The following PSMD1 variants were observed in gnomAD, a reference collection of about 807,000 sequenced individuals.
PSMD1 encodes proteasome 26S subunit, non-ATPase 1, also known as 26S proteasome non-ATPase regulatory subunit 1.
Under a neutral mutation model 119.0 loss-of-function variants are expected in PSMD1, and 18 were observed. That is an observed-to-expected ratio of 0.15 (90% CI 0.10 to 0.22). PSMD1 has a LOEUF of 0.22. Among genes scored for constraint, PSMD1 ranks in the 10% least tolerant of loss-of-function variants. PSMD1 has a pLI of 1.00. For missense variants in PSMD1, 702 were observed against 1,158.5 expected (o/e 0.61, Z 5.72); for synonymous variants, 374 against 396.6 (o/e 0.94, Z 0.68).
rs777538023 is a variant in PSMD1, at chr2:231,087,109, C to A, written c.1819-8C>A. 1.2e-6 allele frequency: 2 copies of A among 1,612,626 alleles called. No homozygotes were observed. Among genetic ancestry groups the A allele is most frequent in the South Asian group, 2.2e-5 (2 of 91,016 alleles). ...TAGTATAATATAATCTTAAACTTTT[C>A]CCCCTAGGTAAGTGATGTTAATGAT... On this transcript the variant is annotated splice_region_variant and splice_polypyrimidine_tract_variant and intron_variant, in intron 15 of 24. Transcript: ENST00000308696.
In PSMD1 at chr2:231,085,075, T is replaced by C. The variant is rs1429331420; in HGVS notation, c.1779T>C (p.Ser593=). 3 of 1,614,114 alleles carry C rather than the reference T, an allele frequency of 1.9e-6. No individual in the cohort carries two copies. In the Admixed American group the frequency reaches 5.0e-5, roughly 27 times the overall value. Residue 593 remains serine (S), a synonymous_variant, in exon 15 of 25, where the codon TCT becomes TCC. Coordinates refer to ENST00000308696, the MANE Select transcript of PSMD1 (RefSeq NM_002807.4). ...CTGTAGCCATGGCTTATTGTGGCTC[T>C]GGTAACAACAAAGCAATTCGACGCC... ...MYTVAMAYCG[S]GNNKAIRRLL...
At chr2:231,059,283 T>C (rs143809755) in intron 1 of PSMD1, among the ~76,000 whole-genome samples, 1 of 152,228 alleles carries the variant, frequency 6.6e-6, no homozygotes, top group Non-Finnish European at 1.5e-5. Context: ...CCAAATCTTT[T>C]GTCACTTTGT....
At chr2:231,095,791 A>G (rs1694709749) in intron 16 of PSMD1, among the ~76,000 whole-genome samples, 1 of 152,222 alleles carries the variant, frequency 6.6e-6, no homozygotes, top group African/African-American at 2.4e-5. Flanking sequence ...TTGAGGCCCC[A>G]TGGGTTGCAA....
At chr2:231,077,804 A>G (rs1001980979) in intron 9 of PSMD1, among the ~76,000 whole-genome samples, 1 of 152,258 alleles carries the variant, frequency 6.6e-6, no homozygotes, top group African/African-American at 2.4e-5. Flanking sequence ...TCATTTTTTT[A>G]TAGCCATATA....
intron 8 of PSMD1, among the ~76,000 whole-genome samples, chr2:231,076,576 C>T (rs1694172917): frequency 6.6e-6 from 1 of 151,956 alleles, no homozygotes; most frequent in African/African-American, 2.4e-5. Flanking sequence ...ATTGCTTGAG[C>T]TTGGGAAGTG....
At chr2:231,067,667 T>G (rs1215143278) in intron 5 of PSMD1, among the ~76,000 whole-genome samples, 1 of 152,136 alleles carries the variant, frequency 6.6e-6, no homozygotes, top group Non-Finnish European at 1.5e-5. Context: ...TTTCTTTCTT[T>G]TTTTTTTGAG....
At chr2:231,098,555 TTC>T (rs145547548) in intron 16 of PSMD1, among the ~76,000 whole-genome samples, 31 of 147,454 alleles carry the variant, frequency 2.1e-4, no homozygotes, top group Non-Finnish European at 3.0e-4. Context: ...CCCCTTTCTC[TTC>T]TCTCTCTCTC....
intron 24 of PSMD1, among the ~76,000 whole-genome samples, chr2:231,172,116 T>G (rs924073170): frequency 6.6e-6 from 1 of 152,216 alleles, no homozygotes; most frequent in African/African-American, 2.4e-5. Context: ...TTTTGAAAAT[T>G]ATCTTTCAGC....
At chr2:231,058,662 A>G (rs1574698514) in intron 1 of PSMD1, among the ~76,000 whole-genome samples, 1 of 152,122 alleles carries the variant, frequency 6.6e-6, no homozygotes, top group Non-Finnish European at 1.5e-5. Context: ...ACTCTTAACC[A>G]AGGACCCACA....
At chr2:231,124,788 G>A (rs558120385) in intron 16 of PSMD1, among the ~76,000 whole-genome samples, 3 of 152,102 alleles carry the variant, frequency 2.0e-5, no homozygotes, top group African/African-American at 7.2e-5. Context: ...AGGAAGATTA[G>A]ACCATTTATT....
chr2:231,132,519 A>G (rs1421510610), intron 16 of PSMD1, among the ~76,000 whole-genome samples: 1 of 152,154 alleles, frequency 6.6e-6, no homozygotes, highest in African/African-American at 2.4e-5. Flanking sequence ...TTAGTAGCCA[A>G]AGTTCTGGTT....
At chr2:231,069,995 A>T (rs1382315317) in intron 5 of PSMD1, 30 bp from the exon 6 acceptor site, 1 of 1,343,396 alleles carries the variant, frequency 7.4e-7, no homozygotes, top group Non-Finnish European at 9.7e-7. Flanking sequence ...ATAACCAGAT[A>T]ACGTTATATC....
At chr2:231,133,102 T>A (rs2125243149) in intron 16 of PSMD1, among the ~76,000 whole-genome samples, 1 of 152,302 alleles carries the variant, frequency 6.6e-6, no homozygotes, top group South Asian at 2.1e-4. Context: ...AATTTCAGAT[T>A]ACTACTCAGA....
chr2:231,061,116 C>T, intron 1 of PSMD1, 151 bp from the exon 2 acceptor site: 1 of 561,772 alleles, frequency 1.8e-6, no homozygotes, highest in Non-Finnish European at 3.2e-6. Flanking sequence ...AGATATAAAC[C>T]TTTACACTTT....
In PSMD1 at chr2:231,079,676, A is replaced by C. The variant is rs1457621089; in HGVS notation, c.1239+62A>C. ...AAGAAGTAATTTTTCTGGGGTTAAG[A>C]AAAAATAACAGTTTATTATAATTCA... On this transcript the variant is annotated intron_variant, in intron 11 of 24. Transcript: ENST00000308696. 3.0e-5 allele frequency: 32 copies of C among 1,051,516 alleles called. 1 individual carries two copies. In the South Asian group the frequency reaches 5.5e-4, roughly 18 times the overall value. The allele number at this position is 1,051,516 out of a possible 1,614,324, so 65.1% of individuals were successfully genotyped here. A position where few individuals can be genotyped will look rare whatever the true frequency, so the allele number is the denominator to read the frequency against.
In PSMD1 at chr2:231,056,874, C is replaced by T. The variant is rs1017937313; in HGVS notation, c.-152C>T. The stretch of plus-strand genomic sequence containing the variant: ...AGCCCCTGGGCGGGCGGGGTCCTGG[C>T]GAGAAGCGAGCCGGCGGCCTGAGGA... On this transcript the variant is annotated 5_prime_UTR_variant, in exon 1 of 25. Coordinates refer to ENST00000308696, the MANE Select transcript of PSMD1 (RefSeq NM_002807.4). 59 of 1,102,196 alleles carry T rather than the reference C, an allele frequency of 5.4e-5. No individual in the cohort carries two copies. Among genetic ancestry groups the T allele is most frequent in the Non-Finnish European group, 7.4e-5 (57 of 767,908 alleles). 68.3% of individuals were successfully genotyped at this position (1,102,196 alleles called of 1,614,324 possible).
At position 231,163,681 on chromosome 2, in the gene PSMD1, C is replaced by T. The variant is rs969012163; in HGVS notation, c.2435C>T (p.Ala812Val). ...YKSNCKPSTF[A>V]YPAPLEVPKE... ...TCGAACTGTAAACCATCCACATTTG[C>T]ATATCCTGCCCCTCTGGAAGTACCA... Residue 812 changes from alanine (A) to valine (V), a missense_variant, in exon 21 of 25, where the codon GCA becomes GTA. Transcript: ENST00000308696. 3.1e-6 allele frequency: 5 copies of T among 1,613,062 alleles called. No individual in the cohort carries two copies. In the African/African-American group the frequency reaches 4.0e-5, roughly 13 times the overall value.
chr2:231,098,080 G>C lies in PSMD1; in HGVS notation c.1883+10899G>C, dbSNP rs1275451872. Among the ~76,000 whole-genome samples, 3 of 152,220 alleles carry C rather than the reference G, an allele frequency of 2.0e-5. 1 individual carries two copies. The highest frequency in any genetic ancestry group is 3.8e-4 in the East Asian group (2 of 5,202). ...GGAGACGGAAGCTGGATGGCCCTCG[G>C]GGGCTGACCCGCAGGGTGCCGGACT... On this transcript the variant is annotated intron_variant, in intron 16 of 24. Transcript: ENST00000308696.
chr2:231,166,695 C>T (rs1696794411), intron 23 of PSMD1, among the ~76,000 whole-genome samples: 1 of 152,134 alleles, frequency 6.6e-6, no homozygotes, highest in Admixed American at 6.5e-5. Context: ...AGAGCGCCAT[C>T]AGTAGACCCA....
Sources: gnomAD v4.1 joint callset for allele counts (sites outside exome capture counted in the v4.1 genomes callset) on GRCh38, gnomAD v4.1.1 for gene constraint, MANE v1.5 for transcripts, NCBI Gene and HGNC (gene_info 2026-07-23, HGNC 2026-07-21) for gene names.